GPM6A: variants seen among roughly 807,000 people sequenced by gnomAD.
The protein encoded by GPM6A is glycoprotein M6A, also known as neuronal membrane glycoprotein M6-a.
A neutral mutation model predicts 32.1 loss-of-function variants in GPM6A; 7 were observed. The ratio of observed to expected loss-of-function variants is 0.22; its 90% CI spans 0.12 to 0.41. The LOEUF is 0.41. Ranked by LOEUF, GPM6A falls within the 10% of genes least tolerant of loss-of-function variation. The probability of loss-of-function intolerance (pLI) is 1.00; values close to 1 mark genes in which losing one functional copy is unlikely to be tolerated. For missense variants in GPM6A, 235 were observed against 347.2 expected (o/e 0.68, Z 2.57); for synonymous variants, 130 against 123.4 (o/e 1.05, Z -0.35).
chr4:175,961,937 C>T, intron 1 of GPM6A: 1 of 453,450 alleles, frequency 2.2e-6, no homozygotes, highest in Non-Finnish European at 4.1e-6. Flanking sequence ...CAGGACAGGA[C>T]AGGACAGTGC....
chr4:175,904,710 T>C (rs1004773780), intron 1 of GPM6A, among the ~76,000 whole-genome samples: 11 of 152,108 alleles, frequency 7.2e-5, no homozygotes, highest in African/African-American at 2.4e-4. Context: ...CTACAATTTA[T>C]GGAAAAAATA....
At chr4:175,711,487 T>G (rs1461416832) in intron 1 of GPM6A, among the ~76,000 whole-genome samples, 2 of 139,610 alleles carry the variant, frequency 1.4e-5, no homozygotes, top group Non-Finnish European at 3.1e-5. Context: ...TATATATAAA[T>G]ATAATATATT....
intron 3 of GPM6A, among the ~76,000 whole-genome samples, chr4:175,668,373 CA>C (rs1173599840): frequency 6.6e-6 from 1 of 151,832 alleles, no homozygotes; most frequent in Non-Finnish European, 1.5e-5. Flanking sequence ...AAGGAGTCTA[CA>C]CCTCCTACAC....
At chr4:175,966,951 T>C (rs936735342) in intron 1 of GPM6A, among the ~76,000 whole-genome samples, 20 of 152,136 alleles carry the variant, frequency 1.3e-4, no homozygotes, top group Non-Finnish European at 1.3e-4. Flanking sequence ...TATTTCCTAA[T>C]TTATTTTACA....
intron 1 of GPM6A, among the ~76,000 whole-genome samples, chr4:175,840,941 T>G (rs1201166995): frequency 6.6e-6 from 1 of 152,196 alleles, no homozygotes; most frequent in East Asian, 1.9e-4. Context: ...CCTTAACATA[T>G]AGTAACACAT....
chr4:175,833,274 G>A (rs972934663), intron 1 of GPM6A, among the ~76,000 whole-genome samples: 2 of 152,146 alleles, frequency 1.3e-5, no homozygotes, highest in Non-Finnish European at 2.9e-5. Flanking sequence ...ATGAAAAACA[G>A]AAATCAGTGA....
rs187738786 is a variant in GPM6A at position 175,710,149 on chromosome 4, A to T, written c.38-8382T>A. On this transcript the variant is annotated intron_variant, in intron 1 of 6. Transcript: ENST00000393658. Reference sequence around the variant, plus strand: ...TCCAACATTATTATTCTTTTCAAATAAGCTTTTTTTGGTATGATTATTTTG... The same window carrying T: ...TCCAACATTATTATTCTTTTCAAATTAGCTTTTTTTGGTATGATTATTTTG... Among the ~76,000 whole-genome samples the T allele has an allele frequency of 1.9e-3, 283 of 152,192 alleles. 2 individuals carry two copies. Among genetic ancestry groups the T allele is most frequent in the African/African-American group, 6.2e-3 (258 of 41,530 alleles).
chr4:175,938,940 CCAAA>C lies in GPM6A; in HGVS notation c.-23+63365_-23+63368del, dbSNP rs545902023. Among the ~76,000 whole-genome samples the C allele has an allele frequency of 5.7e-3, 861 of 151,958 alleles. 6 individuals are homozygous for C. Among genetic ancestry groups the C allele is most frequent in the African/African-American group, 0.02 (814 of 41,468 alleles). On this transcript the variant is annotated intron_variant, in intron 1 of 7. Coordinates refer to the GPM6A transcript ENST00000280187. ...AAACAAATTACATTCTAAGGTTTCA[CCAAA>C]CAGTGTTACAGCTTTTGCCAAAATC...
intron 1 of GPM6A, among the ~76,000 whole-genome samples, chr4:175,748,268 T>A (rs908460721): frequency 2.0e-5 from 3 of 152,196 alleles, no homozygotes; most frequent in Non-Finnish European, 2.9e-5. Flanking sequence ...TGGCGAATAC[T>A]CTCCTGAAAG....
intron 1 of GPM6A, among the ~76,000 whole-genome samples, chr4:175,878,347 G>A (rs942579440): frequency 2.0e-5 from 3 of 152,174 alleles, no homozygotes; most frequent in Admixed American, 6.6e-5. Flanking sequence ...AGTTGCCCTA[G>A]CAGAGGTTCT....
At chr4:175,797,634 C>T (rs1167463713) in intron 1 of GPM6A, among the ~76,000 whole-genome samples, 4 of 152,112 alleles carry the variant, frequency 2.6e-5, no homozygotes, top group Non-Finnish European at 5.9e-5. Context: ...ATTTAACTCC[C>T]AGCCTCAAGT....
At chr4:175,940,414 A>C (rs772740353) in intron 1 of GPM6A, among the ~76,000 whole-genome samples, 2 of 152,176 alleles carry the variant, frequency 1.3e-5, no homozygotes, top group Non-Finnish European at 2.9e-5. Flanking sequence ...AATATATTTT[A>C]TTTAAGAATA....
chr4:175,888,042 T>C (rs1737518452), intron 1 of GPM6A, among the ~76,000 whole-genome samples: 1 of 151,794 alleles, frequency 6.6e-6, no homozygotes. Context: ...AAAAGAAAAA[T>C]TTGAGGTTGA....
intron 1 of GPM6A, among the ~76,000 whole-genome samples, chr4:175,999,965 G>A (rs1741425324): frequency 6.6e-6 from 1 of 152,102 alleles, no homozygotes; most frequent in Non-Finnish European, 1.5e-5. Flanking sequence ...GTGGCCAAAT[G>A]TTTTCTATTT....
At chr4:175,944,659 T>A (rs975642852) in intron 1 of GPM6A, among the ~76,000 whole-genome samples, 1 of 152,246 alleles carries the variant, frequency 6.6e-6, no homozygotes, top group Non-Finnish European at 1.5e-5. Flanking sequence ...TTCATAGGGC[T>A]GTATGAAGAA....
chr4:175,821,750 T>C (rs1162674894), intron 1 of GPM6A, among the ~76,000 whole-genome samples: 1 of 152,050 alleles, frequency 6.6e-6, no homozygotes, highest in Non-Finnish European at 1.5e-5. Flanking sequence ...TTTTTTTGAC[T>C]GAAGCAAAGG....
intron 1 of GPM6A, among the ~76,000 whole-genome samples, chr4:175,823,042 A>AT (rs1265072474): frequency 6.6e-6 from 1 of 152,024 alleles, no homozygotes; most frequent in African/African-American, 2.4e-5. Context: ...GATTTTTATA[A>AT]TTTTTTTTCT....
chr4:175,917,344 C>G (rs570722078), intron 1 of GPM6A, among the ~76,000 whole-genome samples: 1 of 152,172 alleles, frequency 6.6e-6, no homozygotes, highest in East Asian at 1.9e-4. Flanking sequence ...CATCTTCTTC[C>G]CCAAGCACTG....
At chr4:175,959,735 G>A (rs911244586) in intron 1 of GPM6A, among the ~76,000 whole-genome samples, 1 of 152,144 alleles carries the variant, frequency 6.6e-6, no homozygotes, top group Non-Finnish European at 1.5e-5. Context: ...ATATTGATAT[G>A]AAATTAGTAG....
Sources: allele counts gnomAD v4.1 joint callset (sites outside exome capture counted in the v4.1 genomes callset), GRCh38; gene constraint gnomAD v4.1.1; transcripts MANE v1.5; gene names NCBI Gene and HGNC (gene_info 2026-07-23, HGNC 2026-07-21).